The following HESX1 variants were observed in gnomAD, a reference collection of about 807,000 sequenced individuals.
HESX1 encodes homeobox expressed in ES cells 1.
Under a neutral mutation model 22.5 loss-of-function variants are expected in HESX1, and 11 were observed. That is an observed-to-expected ratio of 0.49 (90% confidence interval 0.31 to 0.81). The LOEUF is 0.81. HESX1 is among the 30% of genes least tolerant of loss of function. The pLI is 0.05. For synonymous variants in HESX1, 74 were observed against 76.5 expected, an observed-to-expected ratio of 0.97 and a Z score of 0.17; for missense variants, 201 against 212.6, an observed-to-expected ratio of 0.95 and a Z score of 0.34.
intron 1 of HESX1, among the ~76,000 whole-genome samples, chr3:57,207,464 A>AT (rs1302138356): frequency 6.6e-6 from 1 of 152,138 alleles, no homozygotes; most frequent in Non-Finnish European, 1.5e-5. Context: ...AGCTGACAAA[A>AT]TGTTGAGAAT....
chr3:57,221,768 A>G (rs923903289), intron 1 of HESX1, among the ~76,000 whole-genome samples: 1 of 151,864 alleles, frequency 6.6e-6, no homozygotes, highest in African/African-American at 2.4e-5. Context: ...CACCATGCCC[A>G]GCTAATTTTT....
At chr3:57,219,688 G>C (rs2060603954) in intron 1 of HESX1, among the ~76,000 whole-genome samples, 1 of 152,012 alleles carries the variant, frequency 6.6e-6, no homozygotes, top group Admixed American at 6.6e-5. Context: ...CTTTTTAATG[G>C]GGTTGCTTTT....
At chr3:57,219,445 G>A (rs1380618278) in intron 1 of HESX1, among the ~76,000 whole-genome samples, 1 of 151,782 alleles carries the variant, frequency 6.6e-6, no homozygotes, top group Admixed American at 6.6e-5. Context: ...TTGGCTCACT[G>A]CAAGCTCTGC....
intron 1 of HESX1, 106 bp downstream of exon 1, chr3:57,199,648 ATAATAAAT>A (rs2060472041): frequency 4.8e-6 from 3 of 620,862 alleles, no homozygotes; most frequent in East Asian, 9.3e-5. Context: ...ATAAATAATA[ATAATAAAT>A]TAAATTAAAG....
At chr3:57,219,146 C>T (rs531831310) in intron 1 of HESX1, among the ~76,000 whole-genome samples, 1 of 152,236 alleles carries the variant, frequency 6.6e-6, no homozygotes, top group South Asian at 2.1e-4. Context: ...TTTGTATGCT[C>T]ATCATTTAGC....
chr3:57,214,892 G>A lies in HESX1; in HGVS notation c.-111+11404C>T, dbSNP rs193047518. The stretch of plus-strand genomic sequence containing the variant: ...GAATGATGGTATCATTAACTAAGAA[G>A]GGAATATAGATGAAGGAGGGTTTAT... On this transcript the variant is annotated intron_variant, in intron 1 of 2. Coordinates refer to the HESX1 transcript ENST00000495160. 1.1e-4 allele frequency among the ~76,000 whole-genome samples: 17 copies of A among 152,180 alleles called. No homozygotes were observed. In the East Asian group the frequency reaches 2.3e-3, roughly 21 times the overall value.
intron 1 of HESX1, among the ~76,000 whole-genome samples, chr3:57,220,680 C>T (rs910141129): frequency 1.3e-5 from 2 of 152,128 alleles, no homozygotes; most frequent in African/African-American, 2.4e-5. Context: ...ATCCACCCAC[C>T]TTGGCCTCCC....
chr3:57,223,053 G>A (rs932992230), intron 1 of HESX1, among the ~76,000 whole-genome samples: 1 of 152,292 alleles, frequency 6.6e-6, no homozygotes, highest in Admixed American at 6.5e-5. Flanking sequence ...TGCGCTAGGA[G>A]CTACTCTAAA....
rs1300912427 is a variant in HESX1 at position 57,197,938 on chromosome 3, T to C, written c.*259A>G. ...CTATTGATTTTAACAAACTAATTTA[T>C]TAGATTAATTTGGCTTACTTAAAAA... is the stretch of plus-strand genomic sequence containing the variant. On this transcript the variant is annotated 3_prime_UTR_variant, in exon 4 of 4. Transcript: ENST00000295934. 3.4e-6 allele frequency: 1 copy of C among 298,030 alleles called. No homozygotes were observed. The highest frequency in any genetic ancestry group is 6.2e-5 in the East Asian group (1 of 16,100). The allele number at this position is 298,030 out of a possible 1,614,324, so 18.5% of individuals were successfully genotyped here.
intron 1 of HESX1, among the ~76,000 whole-genome samples, chr3:57,213,651 G>A (rs2060567981): frequency 6.6e-6 from 1 of 152,202 alleles, no homozygotes; most frequent in African/African-American, 2.4e-5. Context: ...TTCTGGCCAG[G>A]CGCGGTGGCT....
At chr3:57,216,978 T>G (rs1402807974) in intron 1 of HESX1, among the ~76,000 whole-genome samples, 2 of 152,208 alleles carry the variant, frequency 1.3e-5, no homozygotes, top group Non-Finnish European at 2.9e-5. Flanking sequence ...ATTATGATGT[T>G]CAAATTTCCC....
chr3:57,198,622 T>G, intron 2 of HESX1, 130 bp from the exon 3 acceptor site: 1 of 1,033,954 alleles, frequency 9.7e-7, no homozygotes, highest in Admixed American at 1.9e-5. Context: ...CTGGAAATTG[T>G]TAAAATATGG....
At chr3:57,219,998 T>C (rs565423903) in intron 1 of HESX1, among the ~76,000 whole-genome samples, 8 of 152,346 alleles carry the variant, frequency 5.3e-5, no homozygotes, top group Non-Finnish European at 1.0e-4. Context: ...CTTCAATCCA[T>C]CTTTAATTGA....
chr3:57,198,639 A>T, intron 2 of HESX1, 114 bp downstream of exon 2: 1 of 1,074,384 alleles, frequency 9.3e-7, no homozygotes, highest in Non-Finnish European at 1.4e-6. Flanking sequence ...ATGGTAGTCT[A>T]CTGTTTCATT....
At chr3:57,222,196 C>T (rs1250440043) in intron 1 of HESX1, among the ~76,000 whole-genome samples, 1 of 152,108 alleles carries the variant, frequency 6.6e-6, no homozygotes, top group Non-Finnish European at 1.5e-5. Context: ...TTTTTCACTG[C>T]CCTCTATGGC....
At chr3:57,207,010 C>T (rs759255509) in intron 1 of HESX1, among the ~76,000 whole-genome samples, 4 of 151,938 alleles carry the variant, frequency 2.6e-5, no homozygotes, top group Admixed American at 6.6e-5. Flanking sequence ...TGCAGTGGCA[C>T]GATCTTGGCT....
At chr3:57,207,126 T>A (rs1007211113) in intron 1 of HESX1, among the ~76,000 whole-genome samples, 35 of 152,286 alleles carry the variant, frequency 2.3e-4, no homozygotes, top group Middle Eastern at 3.4e-3. Context: ...TTTTTGTATT[T>A]TTAGTAGAGA....
chr3:57,199,634 AAT>A (rs1559497270), intron 1 of HESX1, 126 bp downstream of exon 1: 668 of 530,560 alleles, frequency 1.3e-3, no homozygotes, highest in Non-Finnish European at 1.7e-3. Flanking sequence ...AAAAAAAAAA[AAT>A]AATAAATAAT....
chr3:57,202,505 T>C (rs13076889), upstream of HESX1, among the ~76,000 whole-genome samples: 60,324 of 151,764 alleles, frequency 0.4, 13,999 homozygotes, highest in East Asian at 0.92. Context: ...CTGGCTAATT[T>C]TTGTATTTTT....
Sources: allele counts gnomAD v4.1 joint callset (sites outside exome capture counted in the v4.1 genomes callset), GRCh38; gene constraint gnomAD v4.1.1; transcripts MANE v1.5; gene names NCBI Gene and HGNC (gene_info 2026-07-23, HGNC 2026-07-21).